The following UGGT2 variants were observed in gnomAD, a reference collection of about 807,000 sequenced individuals.
UGGT2 encodes the protein UDP-glucose glycoprotein glucosyltransferase 2.
Under a neutral mutation model 192.1 loss-of-function variants are expected in UGGT2, and 180 were observed. The ratio of observed to expected loss-of-function variants is 0.94; its 90% CI spans 0.83 to 1.06. The LOEUF is 1.06. UGGT2 is among the 50% of genes least tolerant of loss of function. UGGT2 has a pLI of 0.00. For synonymous variants in UGGT2, 580 were observed against 591.0 expected (o/e 0.98, Z 0.27); for missense variants, 1,849 against 1,795.7 (o/e 1.03, Z -0.54).
chr13:95,843,460 T>C (rs1264682380), intron 36 of UGGT2, among the ~76,000 whole-genome samples: 1 of 152,200 alleles, frequency 6.6e-6, no homozygotes, highest in Non-Finnish European at 1.5e-5. Flanking sequence ...ACTTATTTTA[T>C]TATTAATAAG....
intron 21 of UGGT2, 101 bp from the exon 22 acceptor site, chr13:95,901,039 A>G (rs1471811354): frequency 2.4e-6 from 2 of 845,558 alleles, no homozygotes; most frequent in Non-Finnish European, 3.1e-6. Context: ...TTTAAATAAT[A>G]CTTTCAAAAT....
intron 36 of UGGT2, among the ~76,000 whole-genome samples, chr13:95,841,444 G>A (rs1887854204): frequency 6.6e-6 from 1 of 152,092 alleles, no homozygotes; most frequent in Admixed American, 6.6e-5. Flanking sequence ...TGCAGTTTCG[G>A]GAGGAACACA....
intron 1 of UGGT2, among the ~76,000 whole-genome samples, chr13:96,034,909 C>T (rs897370271): frequency 1.3e-5 from 2 of 152,166 alleles, no homozygotes; most frequent in Non-Finnish European, 2.9e-5. Flanking sequence ...TAACACAAGC[C>T]GAGCATAGCC....
chr13:95,969,604 T>G (rs2050702330), intron 12 of UGGT2, among the ~76,000 whole-genome samples: 1 of 152,140 alleles, frequency 6.6e-6, no homozygotes, highest in Non-Finnish European at 1.5e-5. Flanking sequence ...GTCTAAGAAA[T>G]GAAAGGTGAC....
At chr13:95,907,182 G>A (rs1265583625) in intron 20 of UGGT2, among the ~76,000 whole-genome samples, 1 of 152,240 alleles carries the variant, frequency 6.6e-6, no homozygotes, top group African/African-American at 2.4e-5. Context: ...AGATTGAACT[G>A]CAAGCTGGCA....
intron 29 of UGGT2, 30 bp from the exon 30 acceptor site, chr13:95,867,453 A>G (rs763829794): frequency 6.5e-7 from 1 of 1,544,264 alleles, no homozygotes; most frequent in Admixed American, 1.9e-5. Flanking sequence ...TCCATAATTA[A>G]TTTAAGAATA....
rs192124348 is a variant in UGGT2 at position 95,972,638 on chromosome 13, C to T, written c.1126G>A (p.Asp376Asn). The T allele has an allele frequency of 2.0e-5, 32 of 1,613,762 alleles. No homozygotes were observed. The Middle Eastern group carries it at 1.8e-3, about 92-fold the overall frequency. Residue 376 changes from aspartate to asparagine, a missense_variant, in exon 11 of 39, where the codon GAT becomes AAT. Asp to Asn is a conservative substitution (Grantham distance 23). Coordinates refer to ENST00000376747, the MANE Select transcript of UGGT2 (RefSeq NM_020121.4). ...AGGCCATTTATAAATAGACGAGCAT[C>T]GCCTGGCTGAATTTTAAATCTAACT... is the stretch of plus-strand genomic sequence containing the variant. The part of the protein sequence containing the change: ...LQVRFKIQPG[D>N]ARLFINGLRV...
chr13:96,022,662 C>CA (rs1387228052), intron 4 of UGGT2, among the ~76,000 whole-genome samples: 12 of 151,318 alleles, frequency 7.9e-5, no homozygotes, highest in Admixed American at 1.3e-4. Flanking sequence ...TGCAAAAAAG[C>CA]AAAAAAATAG....
At position 95,819,311 on chromosome 13, in the gene UGGT2, CCTTT is replaced by C. The variant is rs1885247690; in HGVS notation, c.4528+13612_4528+13615del. On this transcript the variant is annotated intron_variant, in intron 38 of 38. Transcript: ENST00000376747. ...CAAGTTTATTCTTCTACTTTTTCTC[CCTTT>C]CTATTTTTTGTTGTTGTATTATTCC... Among the ~76,000 whole-genome samples, 6 of 152,104 alleles carry C rather than the reference CCTTT, an allele frequency of 3.9e-5. No homozygotes were observed. In the South Asian group the frequency reaches 1.0e-3, roughly 26 times the overall value.
intron 36 of UGGT2, among the ~76,000 whole-genome samples, chr13:95,846,302 G>A (rs965003157): frequency 6.6e-6 from 1 of 152,108 alleles, no homozygotes; most frequent in Non-Finnish European, 1.5e-5. Context: ...GCGCGCGCCT[G>A]CAATCCCAGG....
intron 20 of UGGT2, among the ~76,000 whole-genome samples, chr13:95,915,698 G>A (rs2048659872): frequency 6.6e-6 from 1 of 152,230 alleles, no homozygotes; most frequent in South Asian, 2.1e-4. Context: ...CGACTCAGCT[G>A]TTCCAGCCTG....
chr13:95,957,313 G>T (rs1361980137), intron 12 of UGGT2, among the ~76,000 whole-genome samples: 1 of 152,190 alleles, frequency 6.6e-6, no homozygotes, highest in East Asian at 1.9e-4. Context: ...CAAATTTTAT[G>T]CCATGTATAT....
chr13:96,014,203 A>G (rs1214665738), intron 4 of UGGT2, among the ~76,000 whole-genome samples: 1 of 152,214 alleles, frequency 6.6e-6, no homozygotes, highest in Non-Finnish European at 1.5e-5. Flanking sequence ...TAGAAAGCAA[A>G]CCAAGAGATA....
chr13:95,964,289 C>A (rs1258284050), intron 12 of UGGT2, among the ~76,000 whole-genome samples: 2 of 152,150 alleles, frequency 1.3e-5, no homozygotes, highest in African/African-American at 4.8e-5. Context: ...AGCTAGACCA[C>A]CATCACTTAC....
chr13:95,997,113 C>G (rs1303894712), intron 6 of UGGT2, among the ~76,000 whole-genome samples: 1 of 152,134 alleles, frequency 6.6e-6, no homozygotes, highest in Non-Finnish European at 1.5e-5. Context: ...ACCCTGGGTA[C>G]TTTGATCTAG....
At chr13:96,015,130 T>C (rs1256232961) in intron 4 of UGGT2, among the ~76,000 whole-genome samples, 1 of 151,684 alleles carries the variant, frequency 6.6e-6, no homozygotes, top group African/African-American at 2.4e-5. Context: ...TACAAAAAAT[T>C]AGCCGGGCGT....
Position 95,801,795 on chromosome 13 carries a change from G to A in UGGT2, c.4546C>T (p.Leu1516Phe). 6.2e-7 allele frequency: 1 copy of A among 1,613,780 alleles called. No individual in the cohort carries two copies. Among genetic ancestry groups the A allele is most frequent in the Non-Finnish European group, 8.5e-7 (1 of 1,179,842 alleles). ...KQDTILTHDEL is the reference protein window; with the variant it reads ...KQDTILTHDEF The stretch of plus-strand genomic sequence containing the variant: ...CCTTCTCATATACACCAGTGCTAGA[G>A]TTCATCATGTGTCAAAACTATAAGG... The change falls in exon 39 of 39, where the codon CTC becomes TTC. Residue 1516 changes from leucine (L) to phenylalanine (F), a missense_variant. By Grantham distance (22) the Leu-to-Phe change is conservative. Transcript: ENST00000376747.
At chr13:95,950,678 T>A (rs7982873) in intron 12 of UGGT2, among the ~76,000 whole-genome samples, 2 of 150,664 alleles carry the variant, frequency 1.3e-5, no homozygotes, top group Admixed American at 6.6e-5. Context: ...TTTTAAAAAG[T>A]ACAAAAATTT....
intron 20 of UGGT2, among the ~76,000 whole-genome samples, chr13:95,922,897 CAGAA>C: frequency 6.6e-6 from 1 of 152,192 alleles, no homozygotes; most frequent in African/African-American, 2.4e-5. Flanking sequence ...TTTAAATTGG[CAGAA>C]AGAATTAGGT....
Sources: allele counts gnomAD v4.1 joint callset (sites outside exome capture counted in the v4.1 genomes callset), GRCh38; gene constraint gnomAD v4.1.1; transcripts MANE v1.5; gene names NCBI Gene and HGNC (gene_info 2026-07-23, HGNC 2026-07-21).